The following MGAT4C variants were observed in gnomAD, a reference collection of about 807,000 sequenced individuals.
MGAT4C encodes alpha-1,3-mannosyl-glycoprotein 4-beta-N-acetylglucosaminyltransferase C.
In MGAT4C, 19 loss-of-function variants were observed where a neutral mutation model predicts 40.1. The observed-to-expected ratio is 0.47, with a 90% confidence interval of 0.33 to 0.70. The LOEUF is 0.70. Ranked by LOEUF, MGAT4C falls within the 30% of genes least tolerant of loss-of-function variation. The probability of loss-of-function intolerance (pLI) is 0.02; values close to 1 mark genes in which losing one functional copy is unlikely to be tolerated. For synonymous variants in MGAT4C, 181 were observed against 187.1 expected (o/e 0.97, Z 0.27); for missense variants, 491 against 563.2 (o/e 0.87, Z 1.30).
intron 1 of MGAT4C, among the ~76,000 whole-genome samples, chr12:86,783,277 A>G (rs1285116244): frequency 6.6e-6 from 1 of 152,178 alleles, no homozygotes; most frequent in Non-Finnish European, 1.5e-5. Context: ...AAGGAGTTAC[A>G]TAATTAAAGA....
At chr12:86,286,976 T>A (rs1953367942) in intron 4 of MGAT4C, among the ~76,000 whole-genome samples, 1 of 152,160 alleles carries the variant, frequency 6.6e-6, no homozygotes, top group Admixed American at 6.6e-5. Flanking sequence ...ATTTGCTTTA[T>A]CCAGTCTACC....
chr12:86,155,872 A>G (rs1484613401), intron 1 of MGAT4C, among the ~76,000 whole-genome samples: 1 of 152,138 alleles, frequency 6.6e-6, no homozygotes, highest in Non-Finnish European at 1.5e-5. Context: ...TTGACTTTCT[A>G]TTAACTAGGC....
chr12:86,070,368 T>G (rs1274497277), intron 1 of MGAT4C, among the ~76,000 whole-genome samples: 1 of 152,096 alleles, frequency 6.6e-6, no homozygotes, highest in Non-Finnish European at 1.5e-5. Context: ...CAGTAATCTT[T>G]TTTTTCCTCT....
chr12:86,759,839 T>C (rs1173586149), intron 1 of MGAT4C, among the ~76,000 whole-genome samples: 1 of 152,150 alleles, frequency 6.6e-6, no homozygotes, highest in East Asian at 1.9e-4. Flanking sequence ...TTGTGTAGGT[T>C]GCCTCTTTTC....
At chr12:86,438,979 T>C (rs1181957627) in intron 2 of MGAT4C, among the ~76,000 whole-genome samples, 2 of 151,816 alleles carry the variant, frequency 1.3e-5, no homozygotes, top group Non-Finnish European at 2.9e-5. Flanking sequence ...TTCACAAAAT[T>C]ATTCCTACTA....
At chr12:86,534,403 T>C (rs891314385) in intron 2 of MGAT4C, among the ~76,000 whole-genome samples, 1 of 152,126 alleles carries the variant, frequency 6.6e-6, no homozygotes, top group Non-Finnish European at 1.5e-5. Flanking sequence ...ATACCTTACA[T>C]GTATTGATTG....
chr12:86,551,865 C>T (rs191663083), intron 2 of MGAT4C, among the ~76,000 whole-genome samples: 195 of 152,184 alleles, frequency 1.3e-3, no homozygotes, highest in African/African-American at 4.5e-3. Context: ...AGAGATTACA[C>T]TATTGTGTCC....
intron 3 of MGAT4C, among the ~76,000 whole-genome samples, chr12:86,350,434 A>T (rs17289087): frequency 0.085 from 12,898 of 152,232 alleles, 760 homozygotes; most frequent in Middle Eastern, 0.22. Flanking sequence ...TGCTTAACAA[A>T]TAACTAAATG....
intron 2 of MGAT4C, among the ~76,000 whole-genome samples, chr12:86,514,116 G>A (rs1011176182): frequency 7.1e-6 from 1 of 141,600 alleles, no homozygotes; most frequent in Non-Finnish European, 1.5e-5. Context: ...ACACAACCCC[G>A]GCTTAGTAGA....
At chr12:86,510,364 C>T (rs184758097) in intron 2 of MGAT4C, among the ~76,000 whole-genome samples, 3 of 152,156 alleles carry the variant, frequency 2.0e-5, no homozygotes, top group East Asian at 1.9e-4. Context: ...AAGGAAAAAC[C>T]GGTACTAGCC....
chr12:86,749,520 CAG>C (rs1379938336), intron 1 of MGAT4C, among the ~76,000 whole-genome samples: 1 of 151,562 alleles, frequency 6.6e-6, no homozygotes, highest in Non-Finnish European at 1.5e-5. Flanking sequence ...AATTAGGTAA[CAG>C]AAAGAAAACC....
At chr12:86,516,844 A>T (rs1224629513) in intron 2 of MGAT4C, among the ~76,000 whole-genome samples, 2 of 152,198 alleles carry the variant, frequency 1.3e-5, no homozygotes, top group Admixed American at 6.5e-5. Flanking sequence ...CTGTCTACCC[A>T]TTATAATAGC....
At chr12:86,605,854 C>T (rs1962024225) in intron 2 of MGAT4C, among the ~76,000 whole-genome samples, 1 of 152,064 alleles carries the variant, frequency 6.6e-6, no homozygotes. Flanking sequence ...AGAGAAAATG[C>T]AAATGTAGCA....
chr12:86,596,377 T>G (rs1449181540), intron 2 of MGAT4C, among the ~76,000 whole-genome samples: 1 of 152,134 alleles, frequency 6.6e-6, no homozygotes, highest in Non-Finnish European at 1.5e-5. Flanking sequence ...ATTAAAACTA[T>G]TCAATCCCTT....
At chr12:86,613,317 C>T (rs1386734529) in intron 2 of MGAT4C, among the ~76,000 whole-genome samples, 7 of 152,038 alleles carry the variant, frequency 4.6e-5, no homozygotes, top group Non-Finnish European at 7.4e-5. Context: ...CATGTAATTA[C>T]AAGAAAAATT....
At chr12:86,561,756 C>T (rs934267378) in intron 2 of MGAT4C, among the ~76,000 whole-genome samples, 4 of 152,104 alleles carry the variant, frequency 2.6e-5, no homozygotes, top group Non-Finnish European at 5.9e-5. Context: ...ATACATCTAT[C>T]CTATTAGATC....
intron 1 of MGAT4C, among the ~76,000 whole-genome samples, chr12:86,195,184 G>A (rs1277416489): frequency 2.6e-5 from 4 of 152,114 alleles, no homozygotes; most frequent in Admixed American, 6.5e-5. Flanking sequence ...AATAAGCAAG[G>A]GAAAGGTGGC....
intron 1 of MGAT4C, among the ~76,000 whole-genome samples, chr12:86,156,002 A>G (rs1884886457): frequency 6.6e-6 from 1 of 152,208 alleles, no homozygotes; most frequent in African/African-American, 2.4e-5. Flanking sequence ...GCCCTGTAAA[A>G]TATTAACCAG....
intron 2 of MGAT4C, among the ~76,000 whole-genome samples, chr12:86,711,033 T>G (rs1386367103): frequency 6.6e-6 from 1 of 151,890 alleles, no homozygotes; most frequent in Admixed American, 6.6e-5. Context: ...AGGACTTAGA[T>G]GCGGAAGGGT....
Sources: gnomAD v4.1 joint callset for allele counts (sites outside exome capture counted in the v4.1 genomes callset) on GRCh38, gnomAD v4.1.1 for gene constraint, MANE v1.5 for transcripts, NCBI Gene and HGNC (gene_info 2026-07-23, HGNC 2026-07-21) for gene names.